The following PHF24 variants were observed in gnomAD, a reference collection of about 807,000 sequenced individuals.
PHF24 encodes the protein PHD finger protein 24.
PHF24 carries 25 observed loss-of-function variants against 42.6 expected under a neutral mutation model. That is an observed-to-expected ratio of 0.59 (90% confidence interval 0.43 to 0.82). PHF24 has a LOEUF of 0.82. Among genes scored for constraint, PHF24 ranks in the 40% least tolerant of loss-of-function variants. PHF24 has a pLI of 0.00. For synonymous variants in PHF24, 185 were observed against 204.8 expected, an observed-to-expected ratio of 0.90 and a Z score of 0.83; for missense variants, 470 against 538.1, an observed-to-expected ratio of 0.87 and a Z score of 1.25.
chr9:34,959,320 CA>C (rs1826509462), intron 1 of PHF24, among the ~76,000 whole-genome samples: 1 of 152,150 alleles, frequency 6.6e-6, no homozygotes. Flanking sequence ...GTACGCTAGG[CA>C]GTATACTAGG....
the PHF24 span, among the ~76,000 whole-genome samples, chr9:34,695,976 G>A: frequency 2.0e-5 from 3 of 152,108 alleles, no homozygotes; most frequent in Admixed American, 6.6e-5. Context: ...GTAATCTGGA[G>A]CACGTAGAAG....
chr9:34,781,633 A>G, the PHF24 span, among the ~76,000 whole-genome samples: 2 of 152,216 alleles, frequency 1.3e-5, no homozygotes, highest in South Asian at 4.1e-4. Flanking sequence ...AACTTAAAAT[A>G]ATGAATAATA....
chr9:34,736,783 C>G, the PHF24 span, among the ~76,000 whole-genome samples: 1 of 152,130 alleles, frequency 6.6e-6, no homozygotes, highest in African/African-American at 2.4e-5. Flanking sequence ...TAAAGACTAA[C>G]AAAGATAAGA....
the PHF24 span, among the ~76,000 whole-genome samples, chr9:34,938,177 C>G: frequency 2.0e-5 from 3 of 152,178 alleles, no homozygotes; most frequent in Non-Finnish European, 4.4e-5. Context: ...GAAGAAGGCA[C>G]ATGTTCTAGC....
At chr9:34,780,625 C>A in the PHF24 span, among the ~76,000 whole-genome samples, 1 of 151,874 alleles carries the variant, frequency 6.6e-6, no homozygotes, top group Non-Finnish European at 1.5e-5. Flanking sequence ...GCACAATAAA[C>A]GAAGAAAAAT....
the PHF24 span, among the ~76,000 whole-genome samples, chr9:34,919,001 AT>A: frequency 4.6e-5 from 7 of 152,184 alleles, no homozygotes; most frequent in African/African-American, 1.7e-4. Flanking sequence ...GTTTTCAAAC[AT>A]TTCACAAACG....
chr9:34,926,025 A>T, the PHF24 span, among the ~76,000 whole-genome samples: 32 of 152,330 alleles, frequency 2.1e-4, no homozygotes, highest in Non-Finnish European at 4.4e-5. This position sits in a 1 kb window ranked among gnomAD's most constrained non-coding sequence, Gnocchi z 4.3. Flanking sequence ...CAGTAGTGTA[A>T]TGTAACCTCC....
the PHF24 span, chr9:34,729,245 T>A: frequency 6.5e-7 from 1 of 1,537,648 alleles, no homozygotes; most frequent in Admixed American, 2.1e-5. Flanking sequence ...AGGCTTCTTA[T>A]CTGAGGCTTA....
At chr9:34,730,554 T>C in the PHF24 span, among the ~76,000 whole-genome samples, 1 of 152,190 alleles carries the variant, frequency 6.6e-6, no homozygotes, top group Non-Finnish European at 1.5e-5. Context: ...TACAAAGACA[T>C]TTGAGCCGCA....
the PHF24 span, among the ~76,000 whole-genome samples, chr9:34,755,776 C>T: frequency 6.6e-6 from 1 of 152,070 alleles, no homozygotes; most frequent in Admixed American, 6.6e-5. Flanking sequence ...CACCCAATAG[C>T]AGCTGGGATT....
chr9:34,729,445 C>T, the PHF24 span: 1 of 1,541,710 alleles, frequency 6.5e-7, no homozygotes, highest in Non-Finnish European at 8.8e-7. Flanking sequence ...ACTTCATTAG[C>T]ATGAGATCAA....
the PHF24 span, among the ~76,000 whole-genome samples, chr9:34,743,145 T>C: frequency 6.6e-6 from 1 of 152,244 alleles, no homozygotes; most frequent in Admixed American, 6.5e-5. Context: ...GCATGTCCTA[T>C]AGGCTCAAAG....
At chr9:34,921,208 C>G in the PHF24 span, among the ~76,000 whole-genome samples, 1 of 147,256 alleles carries the variant, frequency 6.8e-6, no homozygotes, top group Non-Finnish European at 1.5e-5. Flanking sequence ...AACTTTTATT[C>G]CATTTACATG....
the PHF24 span, among the ~76,000 whole-genome samples, chr9:34,951,374 T>A: frequency 6.6e-6 from 1 of 152,206 alleles, no homozygotes; most frequent in Admixed American, 6.5e-5. Context: ...TTAAGGATCT[T>A]GAAATGGGAA....
At chr9:34,824,288 C>A in the PHF24 span, among the ~76,000 whole-genome samples, 92 of 152,320 alleles carry the variant, frequency 6.0e-4, no homozygotes, top group African/African-American at 2.0e-3. Context: ...TGAGTCTTCC[C>A]AAACAAGATG....
At chr9:34,916,203 A>G in the PHF24 span, among the ~76,000 whole-genome samples, 2 of 152,204 alleles carry the variant, frequency 1.3e-5, no homozygotes, top group African/African-American at 2.4e-5. Context: ...AAATAGTGTT[A>G]TGACAATGTG....
At chr9:34,875,276 C>G in the PHF24 span, among the ~76,000 whole-genome samples, 1 of 152,174 alleles carries the variant, frequency 6.6e-6, no homozygotes, top group East Asian at 1.9e-4. Flanking sequence ...TACCTATACT[C>G]CACAATATTC....
At chr9:34,918,408 T>TTA in the PHF24 span, 1 of 393,364 alleles carries the variant, frequency 2.5e-6, no homozygotes, top group East Asian at 4.1e-5. Flanking sequence ...CCAAGGTCTT[T>TTA]AAAAAAAAAA....
chr9:34,748,049 T>C, the PHF24 span, among the ~76,000 whole-genome samples: 107 of 152,276 alleles, frequency 7.0e-4, 1 homozygote, highest in Non-Finnish European at 1.3e-3. Context: ...TATAATTTCA[T>C]TTACAGTTCA....
Sources: gnomAD v4.1 joint callset for allele counts (sites outside exome capture counted in the v4.1 genomes callset) on GRCh38, gnomAD v4.1.1 for gene constraint, Gnocchi (gnomAD v3.1) non-coding constraint, MANE v1.5 for transcripts, NCBI Gene and HGNC (gene_info 2026-07-23, HGNC 2026-07-21) for gene names.